ROBO2: variants seen among roughly 807,000 people sequenced by gnomAD.
ROBO2 encodes roundabout guidance receptor 2.
A neutral mutation model predicts 160.8 loss-of-function variants in ROBO2; 53 were observed. The observed-to-expected ratio is 0.33, with a 90% confidence interval of 0.26 to 0.41. The LOEUF (loss-of-function observed/expected upper bound fraction) is 0.41, where lower values mean the gene tolerates loss of function less well. Among genes scored for constraint, ROBO2 ranks in the 10% least tolerant of loss-of-function variants. The probability of loss-of-function intolerance (pLI) is 1.00; values close to 1 mark genes in which losing one functional copy is unlikely to be tolerated. For missense variants in ROBO2, 1,577 were observed against 1,722.4 expected, an observed-to-expected ratio of 0.92 and a Z score of 1.49; for synonymous variants, 664 against 611.7, an observed-to-expected ratio of 1.09 and a Z score of -1.26.
At chr3:77,538,983 T>C (rs1205120320) in intron 6 of ROBO2, 1 of 413,110 alleles carries the variant, frequency 2.4e-6, no homozygotes, top group African/African-American at 2.1e-5. Flanking sequence ...GGCACAACAA[T>C]CTCGGCTCAC....
At chr3:77,162,184 C>T (rs1188603077) in intron 2 of ROBO2, among the ~76,000 whole-genome samples, 2 of 151,666 alleles carry the variant, frequency 1.3e-5, no homozygotes, top group East Asian at 1.9e-4. Context: ...CTGTAAAACA[C>T]GACAGCTCAG....
chr3:76,004,469 A>G (rs2065967871), intron 2 of ROBO2, among the ~76,000 whole-genome samples: 1 of 152,154 alleles, frequency 6.6e-6, no homozygotes, highest in Non-Finnish European at 1.5e-5. Context: ...TAGTTTATAA[A>G]CAACCAAAAT....
At position 77,367,929 on chromosome 3, in the gene ROBO2, G is replaced by A. The variant is rs527943140; in HGVS notation, c.389-109485G>A. Among the ~76,000 whole-genome samples the A allele has an allele frequency of 3.9e-5, 6 of 152,142 alleles. No homozygotes were observed. In the South Asian group the frequency reaches 6.2e-4, roughly 16 times the overall value. ...AAATTAGTTTTCGGATGTGAGTTTCGTTTTATGGAAAACTAAATTTTCTTC... is the reference window on the plus strand; with the variant it reads ...AAATTAGTTTTCGGATGTGAGTTTCATTTTATGGAAAACTAAATTTTCTTC... On this transcript the variant is annotated intron_variant, in intron 2 of 25. Coordinates refer to ENST00000461745, the Ensembl canonical transcript of ROBO2.
chr3:76,145,642 T>C (rs2071856469), intron 2 of ROBO2, among the ~76,000 whole-genome samples: 1 of 152,054 alleles, frequency 6.6e-6, no homozygotes, highest in African/African-American at 2.4e-5. Flanking sequence ...CATGGAGATA[T>C]AGATACAGAA....
At chr3:76,965,924 T>C (rs1403979383) in intron 2 of ROBO2, among the ~76,000 whole-genome samples, 1 of 144,226 alleles carries the variant, frequency 6.9e-6, no homozygotes. Context: ...ATATTTTCTT[T>C]TTTTTTTTTT....
At chr3:76,585,818 G>A (rs1282353749) in intron 2 of ROBO2, among the ~76,000 whole-genome samples, 1 of 152,094 alleles carries the variant, frequency 6.6e-6, no homozygotes, top group African/African-American at 2.4e-5. Context: ...GTCATTAGTT[G>A]GGAAAATGCC....
chr3:75,947,258 C>G (rs1948342769), intron 2 of ROBO2, among the ~76,000 whole-genome samples: 1 of 151,984 alleles, frequency 6.6e-6, no homozygotes, highest in South Asian at 2.1e-4. Flanking sequence ...GTGGAGATAT[C>G]AAGTAGGCAC....
intron 2 of ROBO2, among the ~76,000 whole-genome samples, chr3:77,023,280 T>C (rs1362102785): frequency 1.3e-5 from 2 of 152,178 alleles, no homozygotes; most frequent in African/African-American, 4.8e-5. Context: ...CCTCCCACCA[T>C]GATTGTGAGG....
At chr3:77,524,638 T>C (rs1038215964) in intron 6 of ROBO2, among the ~76,000 whole-genome samples, 1 of 151,396 alleles carries the variant, frequency 6.6e-6, no homozygotes, top group Non-Finnish European at 1.5e-5. Context: ...TGAAGTGGTC[T>C]GTTTGCTTTA....
intron 2 of ROBO2, among the ~76,000 whole-genome samples, chr3:77,247,565 C>T (rs1001853938): frequency 6.6e-6 from 1 of 152,182 alleles, no homozygotes. Flanking sequence ...AATACAGTGG[C>T]TCCTCCTCTC....
intron 2 of ROBO2, among the ~76,000 whole-genome samples, chr3:76,552,809 A>C (rs2083493306): frequency 1.3e-5 from 2 of 152,234 alleles, no homozygotes; most frequent in Non-Finnish European, 2.9e-5. Context: ...ATTGGGTTCC[A>C]TTTAGTTGGT....
At chr3:77,231,455 A>T (rs2087200163) in intron 2 of ROBO2, among the ~76,000 whole-genome samples, 1 of 151,634 alleles carries the variant, frequency 6.6e-6, no homozygotes, top group African/African-American at 2.4e-5. Context: ...GGAAGGATAC[A>T]CACTTAGGAC....
chr3:76,222,088 G>T (rs144015056), intron 2 of ROBO2, among the ~76,000 whole-genome samples: 1 of 152,152 alleles, frequency 6.6e-6, no homozygotes, highest in Non-Finnish European at 1.5e-5. Context: ...CAGCCTTGGT[G>T]AGTGGAAACC....
chr3:76,011,830 T>G (rs2066203006), intron 2 of ROBO2, among the ~76,000 whole-genome samples: 1 of 152,136 alleles, frequency 6.6e-6, no homozygotes, highest in Non-Finnish European at 1.5e-5. Flanking sequence ...ACCCAGTGAC[T>G]CGATGCAATC....
At chr3:77,205,611 C>G (rs1418284847) in intron 2 of ROBO2, among the ~76,000 whole-genome samples, 1 of 152,012 alleles carries the variant, frequency 6.6e-6, no homozygotes, top group Non-Finnish European at 1.5e-5. Flanking sequence ...AGGGTGGGGC[C>G]TTTGCATGGG....
intron 1 of ROBO2, among the ~76,000 whole-genome samples, chr3:75,934,666 A>C (rs1235331651): frequency 6.6e-6 from 1 of 152,150 alleles, no homozygotes; most frequent in Admixed American, 6.5e-5. Context: ...ATAAACATCA[A>C]CTCAGAGAGG....
At chr3:76,800,884 G>T (rs1053894077) in intron 2 of ROBO2, among the ~76,000 whole-genome samples, 1 of 152,032 alleles carries the variant, frequency 6.6e-6, no homozygotes, top group Non-Finnish European at 1.5e-5. Flanking sequence ...ATGATCCAGG[G>T]ATCCCACAGC....
intron 2 of ROBO2, among the ~76,000 whole-genome samples, chr3:77,472,199 G>A (rs531661789): frequency 1.3e-5 from 2 of 152,222 alleles, no homozygotes; most frequent in South Asian, 4.2e-4. Context: ...GTAACATTCT[G>A]TTCATCGAAG....
chr3:77,051,793 G>A (rs922058034), intron 1 of ROBO2, among the ~76,000 whole-genome samples: 2 of 152,156 alleles, frequency 1.3e-5, no homozygotes, highest in African/African-American at 4.8e-5. Flanking sequence ...CCTGGGAGGG[G>A]CAATCTCCCT....
Sources: gnomAD v4.1 joint callset for allele counts (sites outside exome capture counted in the v4.1 genomes callset) on GRCh38, gnomAD v4.1.1 for gene constraint, MANE v1.5 for transcripts, NCBI Gene and HGNC (gene_info 2026-07-23, HGNC 2026-07-21) for gene names.